The following SMCO4 variants were observed in gnomAD, a reference collection of about 807,000 sequenced individuals.
SMCO4 encodes the protein single-pass membrane and coiled-coil domain-containing protein 4.
SMCO4 carries 4 observed loss-of-function variants against 3.6 expected under a neutral mutation model. The observed-to-expected ratio is 1.11, with a 90% CI of 0.54 to 2.53. SMCO4 has a LOEUF of 2.53. Ranked by LOEUF, SMCO4 falls within the 30% of genes most tolerant of loss-of-function variation. SMCO4 has a pLI of 0.02. For synonymous variants in SMCO4, 36 were observed against 35.3 expected, an observed-to-expected ratio of 1.02 and a Z score of -0.07; for missense variants, 70 against 80.8, an observed-to-expected ratio of 0.87 and a Z score of 0.51.
At chr11:93,537,058 A>G (rs1949232762) in intron 1 of SMCO4, among the ~76,000 whole-genome samples, 1 of 152,254 alleles carries the variant, frequency 6.6e-6, no homozygotes, top group African/African-American at 2.4e-5. Flanking sequence ...GCTCATCACC[A>G]AAACTCACTA....
At chr11:93,552,798 G>T in the SMCO4 span, among the ~76,000 whole-genome samples, 1 of 151,850 alleles carries the variant, frequency 6.6e-6, no homozygotes, top group African/African-American at 2.4e-5. Flanking sequence ...ACAGGACTTT[G>T]TTTTCTCTTT....
At chr11:93,481,917 T>C (rs1948596894) in intron 2 of SMCO4, among the ~76,000 whole-genome samples, 1 of 152,234 alleles carries the variant, frequency 6.6e-6, no homozygotes, top group South Asian at 2.1e-4. Context: ...GTGCTGGGCC[T>C]GACTTCCCTC....
Position 93,540,617 on chromosome 11 carries a change from T to G in SMCO4, c.-154+2659A>C, listed in dbSNP as rs566739597. Among the ~76,000 whole-genome samples the G allele has an allele frequency of 2.6e-5, 4 of 152,336 alleles. No homozygotes were observed. In the South Asian group the frequency reaches 8.3e-4, roughly 32 times the overall value. On this transcript the variant is annotated intron_variant, in intron 1 of 2. Coordinates refer to ENST00000298966, the MANE Select transcript of SMCO4 (RefSeq NM_020179.3). ...ACAAAATGGTACATGGATTGAAAGA[T>G]CATCAGTAACTTATGCACGACAGCT...
intron 1 of SMCO4, among the ~76,000 whole-genome samples, chr11:93,524,893 G>A (rs1450655867): frequency 6.6e-6 from 1 of 152,058 alleles, no homozygotes; most frequent in Admixed American, 6.6e-5. Context: ...TCCAACAAAG[G>A]GTATAAACTC....
chr11:93,515,877 C>T (rs186393617), intron 1 of SMCO4, among the ~76,000 whole-genome samples: 2 of 152,306 alleles, frequency 1.3e-5, no homozygotes, highest in African/African-American at 4.8e-5. Flanking sequence ...CAGCTCTGTC[C>T]AAAGACACCT....
chr11:93,543,764 C>T (rs1431672323), upstream of SMCO4, among the ~76,000 whole-genome samples: 1 of 152,250 alleles, frequency 6.6e-6, no homozygotes, highest in Admixed American at 6.5e-5. Flanking sequence ...ACCATTCTCT[C>T]CTCCAGGGCA....
intron 1 of SMCO4, among the ~76,000 whole-genome samples, chr11:93,525,001 C>G (rs916071021): frequency 3.3e-5 from 5 of 152,216 alleles, no homozygotes; most frequent in Non-Finnish European, 5.9e-5. Flanking sequence ...CCCACATCCC[C>G]AACACCCACA....
chr11:93,501,574 C>G (rs754130673), intron 1 of SMCO4, among the ~76,000 whole-genome samples: 3 of 152,172 alleles, frequency 2.0e-5, no homozygotes, highest in African/African-American at 7.2e-5. Context: ...TGTGTCAAAT[C>G]TCTCTCTGCT....
At chr11:93,505,380 GT>G (rs879019486) in intron 1 of SMCO4, among the ~76,000 whole-genome samples, 2 of 151,550 alleles carry the variant, frequency 1.3e-5, no homozygotes, top group South Asian at 2.1e-4. Context: ...CCCCAACTCT[GT>G]TTTTTTTCAC....
At position 93,527,111 on chromosome 11, in the gene SMCO4, G is replaced by A. The variant is rs535859496; in HGVS notation, c.-154+16165C>T. The stretch of plus-strand genomic sequence containing the variant: ...CTGCGTCAGCCACACACCCTAAATC[G>A]GGCTGACCACCACCTCACTGGCAAA... On this transcript the variant is annotated intron_variant, in intron 1 of 2. Coordinates refer to ENST00000298966, the MANE Select transcript of SMCO4 (RefSeq NM_020179.3). 3.7e-4 allele frequency among the ~76,000 whole-genome samples: 56 copies of A among 152,240 alleles called. 1 individual carries two copies. The highest frequency in any genetic ancestry group is 1.3e-3 in the African/African-American group (53 of 41,540).
intron 1 of SMCO4, among the ~76,000 whole-genome samples, chr11:93,540,798 A>C (rs1470963652): frequency 6.6e-6 from 1 of 152,240 alleles, no homozygotes; most frequent in Non-Finnish European, 1.5e-5. Flanking sequence ...ATACACACAC[A>C]AACACTAGAT....
At chr11:93,492,097 T>C (rs538566442) in intron 2 of SMCO4, among the ~76,000 whole-genome samples, 44 of 152,300 alleles carry the variant, frequency 2.9e-4, no homozygotes, top group African/African-American at 9.6e-4. Context: ...ACATCAAAGA[T>C]TGTGCATCCG....
At chr11:93,522,911 C>CAGTTCTATCTCCCCTACGAGATGCTA (rs1419220728) in intron 1 of SMCO4, among the ~76,000 whole-genome samples, 3 of 152,246 alleles carry the variant, frequency 2.0e-5, no homozygotes, top group East Asian at 3.9e-4. Flanking sequence ...CTATCAACTC[C>CAGTTCTATCTCCCCTACGAGATGCTA]AGTTCTATCT....
At chr11:93,540,301 G>A (rs1162498275) in intron 1 of SMCO4, among the ~76,000 whole-genome samples, 1 of 152,110 alleles carries the variant, frequency 6.6e-6, no homozygotes, top group African/African-American at 2.4e-5. Context: ...CAATTAGTGG[G>A]TACATTTCTT....
At chr11:93,500,005 A>G (rs1000382465) in intron 1 of SMCO4, among the ~76,000 whole-genome samples, 1 of 152,244 alleles carries the variant, frequency 6.6e-6, no homozygotes, top group African/African-American at 2.4e-5. Flanking sequence ...ATTACCCATA[A>G]AGCAAAATAA....
At chr11:93,483,040 T>G (rs1948609855) in intron 2 of SMCO4, among the ~76,000 whole-genome samples, 1 of 152,126 alleles carries the variant, frequency 6.6e-6, no homozygotes, top group African/African-American at 2.4e-5. Context: ...CAGACCTGCC[T>G]TCGAGAGGCA....
intron 1 of SMCO4, among the ~76,000 whole-genome samples, chr11:93,535,217 C>T (rs565900659): frequency 2.0e-5 from 3 of 152,228 alleles, no homozygotes; most frequent in African/African-American, 2.4e-5. Flanking sequence ...AACTAGCATC[C>T]GGGAGAAACA....
rs1041924705 is a variant in SMCO4, at chr11:93,535,516, T to C, written c.-154+7760A>G. On this transcript the variant is annotated intron_variant, in intron 1 of 2. Coordinates refer to ENST00000298966, the MANE Select transcript of SMCO4 (RefSeq NM_020179.3). ...AGCTCCTGACGGAGCTGACCAGACTTTTCCAGAAGTGCTGGACATCAGGCA... is the reference window on the plus strand; with the variant it reads ...AGCTCCTGACGGAGCTGACCAGACTCTTCCAGAAGTGCTGGACATCAGGCA... 3.3e-5 allele frequency: 46 copies of C among 1,402,832 alleles called. No homozygotes were observed. In the African/African-American group the frequency reaches 6.2e-4, roughly 19 times the overall value. The allele number at this position is 1,402,832 out of a possible 1,614,324, so 86.9% of individuals were successfully genotyped here.
intron 1 of SMCO4, among the ~76,000 whole-genome samples, chr11:93,517,353 T>C (rs569862378): frequency 6.6e-6 from 1 of 152,312 alleles, no homozygotes; most frequent in South Asian, 2.1e-4. Context: ...AAGCACTTAA[T>C]TGAGCCCTTG....
Sources: gnomAD v4.1 joint callset for allele counts (sites outside exome capture counted in the v4.1 genomes callset) on GRCh38, gnomAD v4.1.1 for gene constraint, MANE v1.5 for transcripts, NCBI Gene and HGNC (gene_info 2026-07-23, HGNC 2026-07-21) for gene names.